The following DRC9 variants were observed in gnomAD, a reference collection of about 807,000 sequenced individuals.
DRC9 encodes dynein regulatory complex subunit 9, also known as dynein regulatory complex protein 9.
At chr3:197,892,558 A>T in the DRC9 span, 16 of 1,577,222 alleles carry the variant, frequency 1.0e-5, no homozygotes, top group African/African-American at 2.0e-4. Flanking sequence ...AATTCCTTCC[A>T]CTCCCTCCTC....
At chr3:197,907,377 A>C in the DRC9 span, among the ~76,000 whole-genome samples, 2 of 152,090 alleles carry the variant, frequency 1.3e-5, no homozygotes, top group African/African-American at 4.8e-5. Context: ...TGACATCTCC[A>C]CCTCATCAAA....
At chr3:197,895,058 TAA>T in the DRC9 span, among the ~76,000 whole-genome samples, 1 of 147,556 alleles carries the variant, frequency 6.8e-6, no homozygotes, top group African/African-American at 2.5e-5. Flanking sequence ...CCCAGTCTCT[TAA>T]AAAAAAAAAT....
the DRC9 span, among the ~76,000 whole-genome samples, chr3:197,931,549 G>A: frequency 6.6e-6 from 1 of 152,066 alleles, no homozygotes; most frequent in Middle Eastern, 3.4e-3. Context: ...GAAAGGTTCT[G>A]GAAAAGAAAA....
At chr3:197,912,915 G>A in the DRC9 span, 3 of 644,312 alleles carry the variant, frequency 4.7e-6, no homozygotes, top group African/African-American at 1.8e-5. Context: ...GCAGAGCCAC[G>A]TGGCGCGGCA....
the DRC9 span, among the ~76,000 whole-genome samples, chr3:197,926,317 G>C: frequency 6.6e-6 from 1 of 152,038 alleles, no homozygotes; most frequent in South Asian, 2.1e-4. Flanking sequence ...TCAATAACAC[G>C]TTTTAAAAGA....
the DRC9 span, chr3:197,913,329 C>CGTGCGTGT: frequency 9.9e-5 from 19 of 192,716 alleles, no homozygotes; most frequent in South Asian, 2.9e-4. Flanking sequence ...TGCGTGTGTG[C>CGTGCGTGT]GTGCGTGCGT....
chr3:197,906,707 C>T, the DRC9 span: 8 of 152,240 alleles, frequency 5.3e-5, no homozygotes, highest in African/African-American at 1.9e-4. Context: ...TAGAGGGAGA[C>T]TTACAGTAGG....
the DRC9 span, among the ~76,000 whole-genome samples, chr3:197,902,935 A>AAATTT: frequency 1.3e-5 from 2 of 152,236 alleles, no homozygotes; most frequent in African/African-American, 4.8e-5. Flanking sequence ...ATTATACTAT[A>AAATTT]GAGCTATAGT....
At chr3:197,936,831 G>A in the DRC9 span, among the ~76,000 whole-genome samples, 1 of 152,072 alleles carries the variant, frequency 6.6e-6, no homozygotes, top group Non-Finnish European at 1.5e-5. Flanking sequence ...GAAAAGATAC[G>A]AGCCACACAC....
chr3:197,948,428 C>T, the DRC9 span, among the ~76,000 whole-genome samples: 8 of 152,164 alleles, frequency 5.3e-5, no homozygotes, highest in Non-Finnish European at 1.0e-4. Flanking sequence ...GTCAGTTTCC[C>T]CCCACTAGAC....
the DRC9 span, chr3:197,912,435 A>G: frequency 2.3e-6 from 1 of 440,576 alleles, no homozygotes; most frequent in Admixed American, 4.0e-5. Flanking sequence ...ATAGAAATCG[A>G]AAAATTTCTT....
At chr3:197,904,065 T>C in the DRC9 span, among the ~76,000 whole-genome samples, 59 of 43,696 alleles carry the variant, frequency 1.4e-3, no homozygotes, top group Admixed American at 4.6e-3. Flanking sequence ...TATATATATA[T>C]ACATACATAT....
chr3:197,944,004 T>G, the DRC9 span: 1 of 1,614,178 alleles, frequency 6.2e-7, no homozygotes, highest in Non-Finnish European at 8.5e-7. Context: ...CACCGTCATC[T>G]CAGAATGCCA....
chr3:197,936,298 C>G, the DRC9 span, among the ~76,000 whole-genome samples: 2 of 152,214 alleles, frequency 1.3e-5, no homozygotes, highest in East Asian at 3.9e-4. Flanking sequence ...GGAAAGCATA[C>G]ACAAGCTTCC....
chr3:197,947,272 G>C, the DRC9 span, among the ~76,000 whole-genome samples: 14 of 152,038 alleles, frequency 9.2e-5, no homozygotes, highest in Non-Finnish European at 1.8e-4. Context: ...CTGACAGAAG[G>C]TTCAGGAAGT....
At chr3:197,959,522 A>G in the DRC9 span, 2 of 152,182 alleles carry the variant, frequency 1.3e-5, no homozygotes, top group Non-Finnish European at 2.9e-5. Context: ...CCAGTATAGT[A>G]GCTTACCTAT....
chr3:197,927,812 GTGGA>G, the DRC9 span, among the ~76,000 whole-genome samples: 1 of 152,108 alleles, frequency 6.6e-6, no homozygotes, highest in African/African-American at 2.4e-5. Context: ...TTGCAGGGAC[GTGGA>G]TGAAGCTGGA....
chr3:197,943,861 C>T, the DRC9 span: 1 of 1,613,982 alleles, frequency 6.2e-7, no homozygotes, highest in Non-Finnish European at 8.5e-7. Flanking sequence ...TCCTCCAGAA[C>T]TGCCGAGATC....
At chr3:197,905,766 A>G in the DRC9 span, among the ~76,000 whole-genome samples, 2 of 152,166 alleles carry the variant, frequency 1.3e-5, no homozygotes, top group Non-Finnish European at 2.9e-5. Context: ...ATAACACATT[A>G]TGATCGAGTA....
Sources: allele counts gnomAD v4.1 joint callset (sites outside exome capture counted in the v4.1 genomes callset), GRCh38; gene constraint gnomAD v4.1.1; transcripts MANE v1.5; gene names NCBI Gene and HGNC (gene_info 2026-07-23, HGNC 2026-07-21).